The following CYFIP1 variants were observed in gnomAD, a reference collection of about 807,000 sequenced individuals.
The protein encoded by CYFIP1 is cytoplasmic FMR1 interacting protein 1.
CYFIP1 carries 58 observed loss-of-function variants against 163.5 expected under a neutral mutation model. The observed-to-expected ratio is 0.35, with a 90% CI of 0.29 to 0.44. CYFIP1 has a LOEUF of 0.44. Ranked by LOEUF, CYFIP1 falls within the 20% of genes least tolerant of loss-of-function variation. CYFIP1 has a pLI of 1.00. For synonymous variants in CYFIP1, 663 were observed against 660.7 expected, an observed-to-expected ratio of 1.00 and a Z score of -0.05; for missense variants, 1,338 against 1,653.8, an observed-to-expected ratio of 0.81 and a Z score of 3.31.
chr15:22,902,627 C>CGGT (rs1387535287), intron 22 of CYFIP1, among the ~76,000 whole-genome samples: 3 of 152,220 alleles, frequency 2.0e-5, no homozygotes, highest in Non-Finnish European at 4.4e-5. Flanking sequence ...TAAACAGAGA[C>CGGT]GGTGGTCTTC....
chr15:22,944,093 G>C (rs2061976823), intron 5 of CYFIP1, among the ~76,000 whole-genome samples: 1 of 152,000 alleles, frequency 6.6e-6, no homozygotes, highest in Non-Finnish European at 1.5e-5. Context: ...ACAAAAATTA[G>C]CTGGGCGTGG....
rs1285525286 is a variant in CYFIP1 at position 22,869,862 on chromosome 15, T to C, written c.*166A>G. ...CCTAATTACCAAAAGCATATACAATTTTAGTCTAGAAAAATAAGTCAATTT... is the reference window on the plus strand; with the variant it reads ...CCTAATTACCAAAAGCATATACAATCTTAGTCTAGAAAAATAAGTCAATTT... On this transcript the variant is annotated 3_prime_UTR_variant, in exon 31 of 31. Coordinates refer to ENST00000617928, the MANE Select transcript of CYFIP1 (RefSeq NM_014608.6). 1 of 545,496 alleles carries C rather than the reference T, an allele frequency of 1.8e-6. No homozygotes were observed. The allele number at this position is 545,496 out of a possible 1,614,324, so 33.8% of individuals were successfully genotyped here. A position where few individuals can be genotyped will look rare whatever the true frequency, so the allele number is the denominator to read the frequency against.
At chr15:22,962,817 G>A (rs1401037897) in intron 1 of CYFIP1, among the ~76,000 whole-genome samples, 14 of 152,178 alleles carry the variant, frequency 9.2e-5, no homozygotes, top group Admixed American at 7.2e-4. Flanking sequence ...ATTACGAGAC[G>A]CATGCACGCT....
chr15:22,939,756 G>T (rs1280303057), intron 6 of CYFIP1, among the ~76,000 whole-genome samples: 2 of 151,990 alleles, frequency 1.3e-5, no homozygotes, highest in East Asian at 1.9e-4. Context: ...CACCCGGCTG[G>T]TCACAGCTGA....
chr15:22,957,011 C>T (rs1481145290), intron 1 of CYFIP1, among the ~76,000 whole-genome samples: 3 of 152,258 alleles, frequency 2.0e-5, no homozygotes, highest in Non-Finnish European at 4.4e-5. Flanking sequence ...CAGCTCAACA[C>T]CAAGGTTGCA....
In CYFIP1 at chr15:22,867,298, T is replaced by C. The variant is rs1313788652; in HGVS notation, c.*2730A>G. The C allele has an allele frequency of 2.5e-6, 1 of 398,460 alleles. No individual in the cohort carries two copies. The highest frequency in any genetic ancestry group is 4.4e-6 in the Non-Finnish European group (1 of 226,054). 24.7% of individuals were successfully genotyped at this position (398,460 alleles called of 1,614,324 possible). Reference sequence around the variant, plus strand: ...GATTTACCTTACCTACAAAAGTGGCTCCTGTTTGTTTGATGATGATTGGTT... The same window carrying C: ...GATTTACCTTACCTACAAAAGTGGCCCCTGTTTGTTTGATGATGATTGGTT... On this transcript the variant is annotated 3_prime_UTR_variant, in exon 31 of 31. Transcript: ENST00000617928.
chr15:22,961,017 T>G (rs548980671), intron 1 of CYFIP1, among the ~76,000 whole-genome samples: 72 of 151,984 alleles, frequency 4.7e-4, no homozygotes, highest in African/African-American at 1.6e-3. Context: ...TATTTATTTA[T>G]TTATTTATAT....
intron 26 of CYFIP1, among the ~76,000 whole-genome samples, chr15:22,878,963 C>G (rs571857484): frequency 6.6e-6 from 1 of 152,028 alleles, no homozygotes; most frequent in African/African-American, 2.4e-5. Context: ...GGTGAAACCC[C>G]GTCTCTACTA....
At position 22,917,502 on chromosome 15, in the gene CYFIP1, TAC is replaced by T. The variant is rs755150480; in HGVS notation, c.1674+284_1674+285del. Reference sequence around the variant, plus strand: ...CACCCATCAAGAAACACAGAATGAATACAGACACGTGGACTTGTGCCCACATT... The same window carrying T: ...CACCCATCAAGAAACACAGAATGAATAGACACGTGGACTTGTGCCCACATT... On this transcript the variant is annotated intron_variant, in intron 15 of 30. Coordinates refer to ENST00000617928, the MANE Select transcript of CYFIP1 (RefSeq NM_014608.6). The surrounding 1 kb of genome is among the most constrained non-coding windows in gnomAD (Gnocchi z 4.2). The T allele has an allele frequency of 1.5e-4, 80 of 544,048 alleles. No individual in the cohort carries two copies. Among genetic ancestry groups the T allele is most frequent in the Middle Eastern group, 9.6e-4 (2 of 2,088 alleles). The allele number at this position is 544,048 out of a possible 1,614,324, so 33.7% of individuals were successfully genotyped here. A position where few individuals can be genotyped will look rare whatever the true frequency, so the allele number is the denominator to read the frequency against.
intron 26 of CYFIP1, among the ~76,000 whole-genome samples, chr15:22,878,969 T>C (rs978770801): frequency 6.6e-6 from 1 of 151,946 alleles, no homozygotes; most frequent in Admixed American, 6.6e-5. Flanking sequence ...ACCCCGTCTC[T>C]ACTAAAAATA....
At chr15:22,902,204 C>T (rs1431953323) in intron 22 of CYFIP1, among the ~76,000 whole-genome samples, 3 of 152,224 alleles carry the variant, frequency 2.0e-5, no homozygotes, top group Non-Finnish European at 2.9e-5. Context: ...ACAGTGGGGA[C>T]GAGTGCAGCT....
chr15:22,974,334 A>G (rs1312419738), intron 1 of CYFIP1, among the ~76,000 whole-genome samples: 1 of 152,132 alleles, frequency 6.6e-6, no homozygotes, highest in Non-Finnish European at 1.5e-5. Flanking sequence ...TAATCCTAGC[A>G]CTTTCAGGAG....
intron 11 of CYFIP1, among the ~76,000 whole-genome samples, 153 bp from the exon 12 acceptor site, chr15:22,928,181 C>T (rs1230824469): frequency 6.6e-6 from 1 of 152,166 alleles, no homozygotes; most frequent in Non-Finnish European, 1.5e-5. Flanking sequence ...GTCGGGAGAT[C>T]CAGACCATCC....
chr15:22,918,703 GTTC>G lies in CYFIP1; in HGVS notation c.1512_1514del (p.Lys504del), dbSNP rs759050845. 48 of 1,600,162 alleles carry G rather than the reference GTTC, an allele frequency of 3.0e-5. No individual in the cohort carries two copies. Among genetic ancestry groups the G allele is most frequent in the Admixed American group, 1.4e-4 (8 of 57,884 alleles). On this transcript the variant is annotated inframe_deletion, in exon 14 of 31. Transcript: ENST00000617928. The stretch of plus-strand genomic sequence containing the variant: ...TGGGGAAGGCTGACCTCTGGATGAC[GTTC>G]TTCTTCTTCTTGATGGCCTGCCGCA...
intron 26 of CYFIP1, among the ~76,000 whole-genome samples, chr15:22,875,773 T>C (rs1403318068): frequency 6.6e-6 from 1 of 151,508 alleles, no homozygotes; most frequent in Non-Finnish European, 1.5e-5. Context: ...CATCCACTCA[T>C]TCCCTACAGA....
chr15:22,934,450 G>T (rs2061644999), intron 9 of CYFIP1, among the ~76,000 whole-genome samples: 1 of 140,178 alleles, frequency 7.1e-6, no homozygotes, highest in Non-Finnish European at 1.5e-5. Flanking sequence ...CTCCCAAAGT[G>T]CTGGGATTAC....
chr15:22,894,137 C>T lies in CYFIP1; in HGVS notation c.2589-1160G>A, dbSNP rs549951607. Among the ~76,000 whole-genome samples the T allele has an allele frequency of 2.2e-4, 34 of 152,222 alleles. No homozygotes were observed. In the South Asian group the frequency reaches 5.4e-3, roughly 24 times the overall value. On this transcript the variant is annotated intron_variant, in intron 22 of 30. Transcript: ENST00000617928. ...CGATGGTGACACACCTGCAAAGCTA[C>T]GGCACACACGTCAGCCTCCGTCCAC... is the stretch of plus-strand genomic sequence containing the variant.
At chr15:22,956,868 C>T (rs1342625858) in intron 1 of CYFIP1, among the ~76,000 whole-genome samples, 1 of 152,224 alleles carries the variant, frequency 6.6e-6, no homozygotes, top group Non-Finnish European at 1.5e-5. Flanking sequence ...CACGGAGGGA[C>T]CTTGTATTTT....
At position 22,937,442 on chromosome 15, in the gene CYFIP1, AAATCC is replaced by A. The variant is rs2061746798; in HGVS notation, c.796-239_796-235del. ...GTCAGTCGCTAAAAGCGGAAAAAAC[AAATCC>A]TCTCCCCTAGCCTAACCCAAGCGGT... On this transcript the variant is annotated intron_variant, in intron 8 of 30. Coordinates refer to ENST00000617928, the MANE Select transcript of CYFIP1 (RefSeq NM_014608.6). Among the ~76,000 whole-genome samples, 4 of 152,168 alleles carry A rather than the reference AAATCC, an allele frequency of 2.6e-5. No homozygotes were observed. In the South Asian group the frequency reaches 8.3e-4, roughly 32 times the overall value.
Sources: allele counts gnomAD v4.1 joint callset (sites outside exome capture counted in the v4.1 genomes callset), GRCh38; gene constraint gnomAD v4.1.1; non-coding constraint Gnocchi (gnomAD v3.1); transcripts MANE v1.5; gene names NCBI Gene and HGNC (gene_info 2026-07-23, HGNC 2026-07-21).